Variants in TTC28 observed in about 807,000 individuals in gnomAD.
The protein encoded by TTC28 is tetratricopeptide repeat domain 28.
TTC28 carries 61 observed loss-of-function variants against 198.0 expected under a neutral mutation model. That is an observed-to-expected ratio of 0.31 (90% CI 0.25 to 0.38). TTC28 has a LOEUF of 0.38. Among genes scored for constraint, TTC28 ranks in the 10% least tolerant of loss-of-function variants. The pLI is 1.00. For missense variants in TTC28, 2,678 were observed against 3,164.0 expected (o/e 0.85, Z 3.69); for synonymous variants, 1,171 against 1,297.8 (o/e 0.90, Z 2.10).
At chr22:28,243,406 T>C (rs561221755) in intron 5 of TTC28, among the ~76,000 whole-genome samples, 1 of 150,342 alleles carries the variant, frequency 6.7e-6, no homozygotes, top group East Asian at 1.9e-4. Flanking sequence ...TTTTCATATT[T>C]GGCTCTTTTT....
intron 10 of TTC28, 22 bp from the exon 11 acceptor site, chr22:28,096,430 C>T (rs1242824056): frequency 8.4e-6 from 13 of 1,549,366 alleles, no homozygotes; most frequent in Non-Finnish European, 8.7e-6. Flanking sequence ...AGAGATATGC[C>T]GAGGAGTCCA....
chr22:28,105,421 C>A lies in TTC28; in HGVS notation c.3165G>T (p.Arg1055Ser). The change falls in exon 8 of 23, where the codon AGG (arginine) becomes AGT (serine). Residue 1055 changes from arginine to serine, a missense_variant. Around this residue, in one of 8 missense-constraint regions of TTC28, gnomAD observed 727 missense variants for 861.9 expected, o/e 0.84. Transcript: ENST00000397906. ...AGTGCTGTTCTTGATAGACCACAGC[C>A]CTCTCGAAGGTGCCCAGGGATTCAT... ...LTYESLGTFE[R>S]AVVYQEQHLS... 1 of 1,551,698 alleles carries A rather than the reference C, an allele frequency of 6.4e-7. No homozygotes were observed. Among genetic ancestry groups the A allele is most frequent in the Non-Finnish European group, 8.7e-7 (1 of 1,146,992 alleles).
Position 28,301,811 on chromosome 22 carries a change from CCA to C in TTC28, c.530-3961_530-3960del, listed in dbSNP as rs556183131. Among the ~76,000 whole-genome samples the C allele has an allele frequency of 4.2e-3, 632 of 152,110 alleles. 7 individuals are homozygous for C. The highest frequency in any genetic ancestry group is 7.1e-3 in the Non-Finnish European group (485 of 67,986). On this transcript the variant is annotated intron_variant, in intron 3 of 22. Transcript: ENST00000397906. ...ACCTGTAATCCCAGCACTTTGGGAGCCAAGGCCAATGGCCCAGGAGTTCAAGA... is the reference window on the plus strand; with the variant it reads ...ACCTGTAATCCCAGCACTTTGGGAGCAGGCCAATGGCCCAGGAGTTCAAGA...
At chr22:28,133,710 G>A (rs1247411978) in intron 6 of TTC28, among the ~76,000 whole-genome samples, 1 of 152,234 alleles carries the variant, frequency 6.6e-6, no homozygotes, top group African/African-American at 2.4e-5. Context: ...CAAAGTGGCT[G>A]GGAAGCTTGA....
intron 2 of TTC28, among the ~76,000 whole-genome samples, chr22:28,465,634 A>C (rs1406702161): frequency 6.6e-6 from 1 of 152,116 alleles, no homozygotes. Flanking sequence ...CAAAAAAAAA[A>C]AATTATGCCT....
At chr22:28,231,872 A>T (rs1216493978) in intron 5 of TTC28, among the ~76,000 whole-genome samples, 3 of 152,240 alleles carry the variant, frequency 2.0e-5, no homozygotes, top group African/African-American at 7.2e-5. Context: ...AATGGTGTGA[A>T]GATGTAAGGG....
chr22:28,452,894 T>C (rs73882753), intron 2 of TTC28, among the ~76,000 whole-genome samples: 2,989 of 152,250 alleles, frequency 0.02, 98 homozygotes, highest in African/African-American at 0.068. Flanking sequence ...TACCAGAACA[T>C]TGAATGTAAA....
chr22:28,630,642 C>CTA (rs780174553), intron 1 of TTC28, among the ~76,000 whole-genome samples: 74 of 152,234 alleles, frequency 4.9e-4, no homozygotes, highest in Non-Finnish European at 8.7e-4. Context: ...CCACACAAAA[C>CTA]AGACTAAGAC....
At chr22:28,533,030 C>T (rs940702935) in intron 2 of TTC28, among the ~76,000 whole-genome samples, 3 of 152,188 alleles carry the variant, frequency 2.0e-5, no homozygotes. Context: ...AACTCCTATT[C>T]GACATAGTGT....
intron 5 of TTC28, among the ~76,000 whole-genome samples, chr22:28,236,481 T>C (rs1378235226): frequency 6.6e-6 from 1 of 152,068 alleles, no homozygotes; most frequent in Non-Finnish European, 1.5e-5. Flanking sequence ...AAGGCATTCA[T>C]GACCCTATTG....
At chr22:28,407,335 T>C (rs1285138804) in intron 2 of TTC28, among the ~76,000 whole-genome samples, 1 of 152,174 alleles carries the variant, frequency 6.6e-6, no homozygotes, top group East Asian at 1.9e-4. Flanking sequence ...GCTTATGGTA[T>C]TTTTGTGTCT....
At chr22:28,586,674 G>A (rs2050323713) in intron 2 of TTC28, among the ~76,000 whole-genome samples, 1 of 152,108 alleles carries the variant, frequency 6.6e-6, no homozygotes, top group Non-Finnish European at 1.5e-5. Flanking sequence ...AAACAAGACA[G>A]GAATGAACCT....
At chr22:28,494,252 A>G (rs553521117) in intron 2 of TTC28, among the ~76,000 whole-genome samples, 3 of 152,328 alleles carry the variant, frequency 2.0e-5, no homozygotes, top group African/African-American at 4.8e-5. Context: ...ACTCTTAAAT[A>G]TTAGACAAAA....
intron 2 of TTC28, among the ~76,000 whole-genome samples, chr22:28,622,566 A>G (rs907815813): frequency 3.3e-5 from 5 of 152,212 alleles, no homozygotes; most frequent in African/African-American, 1.2e-4. Context: ...CAGAAAGGAC[A>G]AATTAAAAAG....
chr22:28,294,321 C>T (rs995971841), intron 5 of TTC28, among the ~76,000 whole-genome samples: 2 of 152,072 alleles, frequency 1.3e-5, no homozygotes, highest in African/African-American at 4.8e-5. Flanking sequence ...ACATATTGTA[C>T]AGCAGAGGTT....
At chr22:28,077,758 C>T (rs1166116253) in intron 12 of TTC28, among the ~76,000 whole-genome samples, 1 of 152,096 alleles carries the variant, frequency 6.6e-6, no homozygotes, top group Non-Finnish European at 1.5e-5. Flanking sequence ...AAAAAAATAA[C>T]AGCTATAGTT....
intron 12 of TTC28, among the ~76,000 whole-genome samples, chr22:28,042,265 A>G (rs1339634273): frequency 6.9e-6 from 1 of 145,246 alleles, no homozygotes; most frequent in Non-Finnish European, 1.5e-5. Context: ...ATGCTACTAT[A>G]AAGACACATG....
At chr22:28,670,383 C>T (rs948443938) in intron 1 of TTC28, among the ~76,000 whole-genome samples, 1 of 152,116 alleles carries the variant, frequency 6.6e-6, no homozygotes, top group African/African-American at 2.4e-5. Context: ...TTCTTTCCCT[C>T]TCTATGCATT....
At chr22:28,593,469 C>CTAGGTAGGTAGG (rs10542907) in intron 2 of TTC28, among the ~76,000 whole-genome samples, 9 of 148,314 alleles carry the variant, frequency 6.1e-5, no homozygotes, top group South Asian at 4.3e-4. Flanking sequence ...AGGTAGGTAG[C>CTAGGTAGGTAGG]TAGGTAGGTA....
Sources: allele counts gnomAD v4.1 joint callset (sites outside exome capture counted in the v4.1 genomes callset), GRCh38; gene constraint gnomAD v4.1.1; regional missense constraint gnomAD v4.1.1; transcripts MANE v1.5; gene names NCBI Gene and HGNC (gene_info 2026-07-23, HGNC 2026-07-21).